The following FGFR1 variants were observed in gnomAD, a reference collection of about 807,000 sequenced individuals.
The protein encoded by FGFR1 is fibroblast growth factor receptor 1, also known as FGFR1/PLAG1 fusion.
A neutral mutation model predicts 93.7 loss-of-function variants in FGFR1; 18 were observed. The observed-to-expected ratio is 0.19, with a 90% CI of 0.13 to 0.28. The LOEUF (loss-of-function observed/expected upper bound fraction) is 0.28. Ranked by LOEUF, FGFR1 falls within the 10% of genes least tolerant of loss-of-function variation. FGFR1 has a pLI of 1.00. For synonymous variants in FGFR1, 448 were observed against 429.3 expected, an observed-to-expected ratio of 1.04 and a Z score of -0.54; for missense variants, 731 against 1,080.4, an observed-to-expected ratio of 0.68 and a Z score of 4.53.
rs2150813325 is a variant in FGFR1, at chr8:38,424,521, G to A, written c.924C>T (p.Val308=). The A allele has an allele frequency of 1.2e-6, 2 of 1,614,114 alleles. No individual in the cohort carries two copies. The highest frequency in any genetic ancestry group is 4.5e-5 in the East Asian group (2 of 44,868). Residue 308 remains valine (V), a synonymous_variant, in exon 7 of 18, where the codon GTC becomes GTT. Coordinates refer to ENST00000447712, the MANE Select transcript of FGFR1 (RefSeq NM_023110.3). This position sits in a 1 kb window ranked among gnomAD's most constrained non-coding sequence, Gnocchi z 4.3. ...GTGCCATGATTACCTTCAAGATCTG[G>A]ACATAAGGCAGGTTGTCTGGGCCAA... The part of the protein sequence containing the change: ...SKIGPDNLPY[V]QILKTAGVNT...
chr8:38,455,768 C>T (rs1832659400), intron 2 of FGFR1, among the ~76,000 whole-genome samples: 1 of 152,148 alleles, frequency 6.6e-6, no homozygotes. Flanking sequence ...CATTTTTCCC[C>T]TTCTGAACTC....
At chr8:38,418,835 G>A (rs1419488928) in intron 9 of FGFR1, among the ~76,000 whole-genome samples, 1 of 152,150 alleles carries the variant, frequency 6.6e-6, no homozygotes, top group Non-Finnish European at 1.5e-5. Context: ...AGGGGACAAG[G>A]GTATGGTATG....
Position 38,411,784 on chromosome 8 carries a change from C to A in FGFR1, c.*1844G>T, listed in dbSNP as rs574988190. 3.9e-5 allele frequency: 9 copies of A among 230,538 alleles called. No homozygotes were observed. The highest frequency in any genetic ancestry group is 6.9e-5 in the Non-Finnish European group (8 of 116,172). The allele number at this position is 230,538 out of a possible 1,614,324, so 14.3% of individuals were successfully genotyped here. ...AAGCAGCCAAAAAACCAAAAACATT[C>A]GGAGAATTTTCCCCCCGTTCCTGAG... On this transcript the variant is annotated 3_prime_UTR_variant, in exon 18 of 18. Coordinates refer to ENST00000447712, the MANE Select transcript of FGFR1 (RefSeq NM_023110.3).
In FGFR1 at chr8:38,429,854, C is replaced by G. The variant is rs1195026291; in HGVS notation, c.186G>C (p.Gln62His). 1 of 1,614,064 alleles carries G rather than the reference C, an allele frequency of 6.2e-7. No individual in the cohort carries two copies. The highest frequency in any genetic ancestry group is 8.5e-7 in the Non-Finnish European group (1 of 1,180,022). The change falls in exon 3 of 18, where the codon CAG (glutamine) becomes CAC (histidine). Residue 62 changes from glutamine to histidine, a missense_variant. Physicochemically the swap from Gln to His is conservative, Grantham distance 24 (BLOSUM62 0). This residue lies in a region of FGFR1 where 212 missense variants were observed against 205.8 expected (regional missense o/e 1.03). Coordinates refer to ENST00000447712, the MANE Select transcript of FGFR1 (RefSeq NM_023110.3). The surrounding 1 kb of genome is among the most constrained non-coding windows in gnomAD (Gnocchi z 4.4). ...QLRCRLRDDVQSINWLRDGVQ... is the reference protein window; with the variant it reads ...QLRCRLRDDVHSINWLRDGVQ... Reference sequence around the variant, plus strand: ...CCCCGTCCCGCAGCCAGTTGATGCTCTGCACATCGTCCCGCAGCCGACAGC... The same window carrying G: ...CCCCGTCCCGCAGCCAGTTGATGCTGTGCACATCGTCCCGCAGCCGACAGC...
intron 12 of FGFR1, 76 bp from the exon 13 acceptor site, chr8:38,416,136 C>T (rs1816493108): frequency 7.4e-7 from 1 of 1,350,898 alleles, no homozygotes; most frequent in Non-Finnish European, 1.0e-6. Context: ...GAAACCCCAC[C>T]CCCAGCAGCA....
chr8:38,434,355 C>A, intron 2 of FGFR1: 1 of 245,244 alleles, frequency 4.1e-6, no homozygotes, highest in Non-Finnish European at 8.2e-6. Context: ...TTATAACAAC[C>A]GCTAATCAGT....
chr8:38,466,962 C>A (rs964279485), intron 1 of FGFR1, among the ~76,000 whole-genome samples: 1 of 151,500 alleles, frequency 6.6e-6, no homozygotes, highest in Non-Finnish European at 1.5e-5. Flanking sequence ...CTATATGAAC[C>A]CCCATCTACA....
At chr8:38,464,339 A>G (rs1167667243) in intron 1 of FGFR1, among the ~76,000 whole-genome samples, 1 of 150,864 alleles carries the variant, frequency 6.6e-6, no homozygotes, top group Non-Finnish European at 1.5e-5. Context: ...AAAAAAAGCA[A>G]CAAGTGAAAC....
chr8:38,442,013 T>C (rs571589441), intron 2 of FGFR1, among the ~76,000 whole-genome samples: 7 of 152,146 alleles, frequency 4.6e-5, no homozygotes, highest in African/African-American at 9.6e-5. Context: ...GACATTTTAA[T>C]AGAAACATAG....
intron 2 of FGFR1, chr8:38,434,774 C>G (rs757091962): frequency 6.4e-6 from 1 of 155,436 alleles, no homozygotes. Context: ...CTGACTTGTT[C>G]GGAACAGCGA....
At position 38,414,781 on chromosome 8, in the gene FGFR1, T is replaced by C. The variant is rs1360444997; in HGVS notation, c.1975A>G (p.Asn659Asp). 2 of 1,613,886 alleles carry C rather than the reference T, an allele frequency of 1.2e-6. No individual in the cohort carries two copies. The highest frequency in any genetic ancestry group is 1.7e-6 in the Non-Finnish European group (2 of 1,180,032). ...HHIDYYKKTT[N>D]GRLPVKWMAP... Reference sequence around the variant, plus strand: ...AGGGCGGCCTTGTCGGCACTCACGTTGGTTGTCTTTTTATAGTAGTCGATG... The same window carrying C: ...AGGGCGGCCTTGTCGGCACTCACGTCGGTTGTCTTTTTATAGTAGTCGATG... Residue 659 changes from asparagine to aspartate, a missense_variant and splice_region_variant, in exon 14 of 18, where the codon AAC (asparagine) becomes GAC (aspartate). By Grantham distance (23) the Asn-to-Asp change is conservative. Coordinates refer to ENST00000447712, the MANE Select transcript of FGFR1 (RefSeq NM_023110.3).
chr8:38,462,772 T>C (rs1834698230), intron 1 of FGFR1, among the ~76,000 whole-genome samples: 1 of 151,762 alleles, frequency 6.6e-6, no homozygotes. Flanking sequence ...CCCGGCTAAT[T>C]TTTTTATTTT....
intron 2 of FGFR1, among the ~76,000 whole-genome samples, chr8:38,445,683 C>T (rs1341729296): frequency 7.3e-5 from 11 of 151,712 alleles, no homozygotes; most frequent in African/African-American, 2.4e-4. Flanking sequence ...GGATTACAGG[C>T]GCCTGCCATC....
At chr8:38,434,016 A>G (rs1192126444) in intron 2 of FGFR1, among the ~76,000 whole-genome samples, 1 of 152,172 alleles carries the variant, frequency 6.6e-6, no homozygotes, top group East Asian at 1.9e-4. Flanking sequence ...GAATCATACA[A>G]TATGTGATCT....
intron 12 of FGFR1, 143 bp downstream of exon 12, chr8:38,417,163 G>A (rs947307066): frequency 2.9e-5 from 21 of 727,384 alleles, no homozygotes; most frequent in Middle Eastern, 3.6e-4. Flanking sequence ...CCCAGATCCC[G>A]AGATAACACA....
In FGFR1 at chr8:38,429,809, G is replaced by T. The variant is rs767195580; in HGVS notation, c.231C>A (p.Asn77Lys). The T allele has an allele frequency of 6.2e-7, 1 of 1,613,696 alleles. No individual in the cohort carries two copies. Among genetic ancestry groups the T allele is most frequent in the Non-Finnish European group, 8.5e-7 (1 of 1,179,870 alleles). Residue 77 changes from asparagine (N) to lysine (K), a missense_variant, in exon 3 of 18, where the codon AAC becomes AAA. Around this residue, in one of 10 missense-constraint regions of FGFR1, gnomAD observed 212 missense variants for 205.8 expected, o/e 1.03. Coordinates refer to ENST00000447712, the MANE Select transcript of FGFR1 (RefSeq NM_023110.3). This position sits in a 1 kb window ranked among gnomAD's most constrained non-coding sequence, Gnocchi z 4.4. ...LRDGVQLAES[N>K]RTRITGEEVE... Reference sequence around the variant, plus strand: ...CCTCCTCCCCTGTGATGCGGGTGCGGTTGCTTTCCGCCAGCTGCACCCCGT... The same window carrying T: ...CCTCCTCCCCTGTGATGCGGGTGCGTTTGCTTTCCGCCAGCTGCACCCCGT...
At position 38,468,292 on chromosome 8, in the gene FGFR1, C is replaced by T. The variant is rs1010437324; in HGVS notation, c.-400G>A. 2 of 228,238 alleles carry T rather than the reference C, an allele frequency of 8.8e-6. No individual in the cohort carries two copies. The highest frequency in any genetic ancestry group is 1.3e-3 in the Middle Eastern group (1 of 786). 14.1% of individuals were successfully genotyped at this position (228,238 alleles called of 1,614,324 possible). A position where few individuals can be genotyped will look rare whatever the true frequency, so the allele number is the denominator to read the frequency against. On this transcript the variant is annotated 5_prime_UTR_variant, in exon 1 of 18. Coordinates refer to ENST00000447712, the MANE Select transcript of FGFR1 (RefSeq NM_023110.3). The stretch of plus-strand genomic sequence containing the variant: ...AACGCAGCGGCGGCGCCTCACTTTC[C>T]TTGCAGACCGGGCTCCATCGCCCTG...
chr8:38,464,793 A>G (rs1835155368), intron 1 of FGFR1, among the ~76,000 whole-genome samples: 1 of 152,234 alleles, frequency 6.6e-6, no homozygotes, highest in Non-Finnish European at 1.5e-5. Flanking sequence ...CTTTTCCTCC[A>G]GCAGCAACAG....
chr8:38,463,546 C>T (rs1014726341), intron 1 of FGFR1: 7 of 225,176 alleles, frequency 3.1e-5, no homozygotes, highest in African/African-American at 6.7e-5. Context: ...CTAACACCCT[C>T]GGCACCTAGC....
Sources: gnomAD v4.1 joint callset for allele counts (sites outside exome capture counted in the v4.1 genomes callset) on GRCh38, gnomAD v4.1.1 for gene constraint, gnomAD v4.1.1 regional missense constraint, Gnocchi (gnomAD v3.1) non-coding constraint, MANE v1.5 for transcripts, NCBI Gene and HGNC (gene_info 2026-07-23, HGNC 2026-07-21) for gene names.